The following FAT3 variants were observed in gnomAD, a reference collection of about 807,000 sequenced individuals.
FAT3 encodes the protein protocadherin Fat 3.
FAT3 carries 95 observed loss-of-function variants against 310.2 expected under a neutral mutation model. The observed-to-expected ratio is 0.31, with a 90% CI of 0.26 to 0.36. The LOEUF is 0.36. Ranked by LOEUF, FAT3 falls within the 10% of genes least tolerant of loss-of-function variation. The pLI, the probability that FAT3 is intolerant of heterozygous loss-of-function variation, is 1.00. For missense variants in FAT3, 5,408 were observed against 5,715.6 expected, an observed-to-expected ratio of 0.95 and a Z score of 1.74; for synonymous variants, 2,314 against 2,192.9, an observed-to-expected ratio of 1.06 and a Z score of -1.54.
intron 1 of FAT3, among the ~76,000 whole-genome samples, chr11:92,317,455 T>G (rs1947494121): frequency 6.6e-6 from 1 of 152,066 alleles, no homozygotes; most frequent in South Asian, 2.1e-4. Flanking sequence ...GGAGGCAGGG[T>G]TGGTTTGGTA....
chr11:92,545,872 C>A (rs777249035), intron 3 of FAT3, among the ~76,000 whole-genome samples: 1 of 152,146 alleles, frequency 6.6e-6, no homozygotes, highest in Non-Finnish European at 1.5e-5. Context: ...CATGTAGTTG[C>A]CTAGCAAATA....
intron 3 of FAT3, among the ~76,000 whole-genome samples, chr11:92,593,054 A>G (rs1939516631): frequency 6.6e-6 from 1 of 152,148 alleles, no homozygotes; most frequent in African/African-American, 2.4e-5. Context: ...GTGGACTCAT[A>G]CAGCATTTGT....
chr11:92,849,329 G>A (rs956022625), intron 19 of FAT3, among the ~76,000 whole-genome samples: 1 of 152,076 alleles, frequency 6.6e-6, no homozygotes, highest in Admixed American at 6.5e-5. Context: ...TATATTCCTG[G>A]CATAGTAATT....
intron 3 of FAT3, among the ~76,000 whole-genome samples, chr11:92,632,102 G>C (rs1276023032): frequency 2.6e-5 from 4 of 152,196 alleles, no homozygotes; most frequent in African/African-American, 9.7e-5. Context: ...TATATTTGTA[G>C]TATTTTTCTT....
intron 18 of FAT3, among the ~76,000 whole-genome samples, chr11:92,841,839 C>T (rs745923159): frequency 1.3e-5 from 2 of 152,232 alleles, no homozygotes; most frequent in South Asian, 2.1e-4. Context: ...GTATTCTGCA[C>T]AGCCCCTTCA....
intron 1 of FAT3, among the ~76,000 whole-genome samples, chr11:92,247,554 C>A (rs1864968955): frequency 6.6e-6 from 1 of 151,932 alleles, no homozygotes; most frequent in African/African-American, 2.4e-5. Flanking sequence ...CCTTCCAAAT[C>A]AGAAGGGAGT....
chr11:92,465,514 G>C lies in FAT3; in HGVS notation c.3293-59120G>C, dbSNP rs948056016. On this transcript the variant is annotated intron_variant, in intron 2 of 27. Coordinates refer to ENST00000525166, the MANE Select transcript of FAT3 (RefSeq NM_001367949.2). ...TCGCCATTCTAACTGGTGTGAGATG[G>C]TATCTCATTGTGGTTTTGATTTGCA... 2.0e-5 allele frequency among the ~76,000 whole-genome samples: 3 copies of C among 152,070 alleles called. No individual in the cohort carries two copies. In the South Asian group the frequency reaches 6.2e-4, roughly 32 times the overall value.
chr11:92,418,231 A>G (rs2134964239), intron 2 of FAT3, among the ~76,000 whole-genome samples: 1 of 152,308 alleles, frequency 6.6e-6, no homozygotes, highest in East Asian at 1.9e-4. Flanking sequence ...ATACTGGATA[A>G]CCGAGGTATT....
At chr11:92,339,424 G>A (rs1948180867) in intron 1 of FAT3, among the ~76,000 whole-genome samples, 1 of 152,174 alleles carries the variant, frequency 6.6e-6, no homozygotes, top group Admixed American at 6.5e-5. Flanking sequence ...CCTACTATGT[G>A]CCCAGTAGTA....
At chr11:92,303,990 C>T (rs1947060754) in intron 1 of FAT3, among the ~76,000 whole-genome samples, 1 of 152,070 alleles carries the variant, frequency 6.6e-6, no homozygotes, top group African/African-American at 2.4e-5. Context: ...ACAACATATT[C>T]TGTTTGATAT....
chr11:92,789,859 G>T, intron 7 of FAT3, 84 bp from the exon 8 acceptor site: 1 of 1,418,822 alleles, frequency 7.0e-7, no homozygotes, highest in East Asian at 2.3e-5. Flanking sequence ...ACGGGGAAGC[G>T]GGGAGAAAAA....
At chr11:92,332,587 A>C (rs1035289589) in intron 1 of FAT3, among the ~76,000 whole-genome samples, 1 of 152,128 alleles carries the variant, frequency 6.6e-6, no homozygotes, top group Non-Finnish European at 1.5e-5. Flanking sequence ...AAGGGGCTTT[A>C]CTGGCCCAAC....
chr11:92,562,831 G>C (rs1164847539), intron 3 of FAT3, among the ~76,000 whole-genome samples: 1 of 152,056 alleles, frequency 6.6e-6, no homozygotes, highest in African/African-American at 2.4e-5. Flanking sequence ...CTTATATCTG[G>C]CCCTCAACAG....
intron 19 of FAT3, among the ~76,000 whole-genome samples, chr11:92,848,448 C>A (rs933393422): frequency 1.3e-5 from 2 of 152,034 alleles, no homozygotes; most frequent in Non-Finnish European, 2.9e-5. Flanking sequence ...TCCTCGAGCC[C>A]GTATAGGAGA....
In FAT3 at chr11:92,810,746, G is replaced by A. The variant is rs551645684; in HGVS notation, c.9481+670G>A. ...ATGAGATGGTGAGTTAGAAAAGACT[G>A]GAGTTAATTGCTAGGTAGACCTTCT... On this transcript the variant is annotated intron_variant, in intron 13 of 27. Coordinates refer to ENST00000525166, the MANE Select transcript of FAT3 (RefSeq NM_001367949.2). 2.8e-4 allele frequency among the ~76,000 whole-genome samples: 42 copies of A among 152,214 alleles called. 1 individual carries two copies. Among genetic ancestry groups the A allele is most frequent in the Admixed American group, 9.8e-4 (15 of 15,298 alleles).
intron 3 of FAT3, among the ~76,000 whole-genome samples, chr11:92,642,093 T>C (rs1267732780): frequency 6.6e-6 from 1 of 152,200 alleles, no homozygotes; most frequent in Admixed American, 6.5e-5. Context: ...AATGCATGTA[T>C]CTGAAAAGGG....
At position 92,764,920 on chromosome 11, in the gene FAT3, G is replaced by A. The variant is rs139642369; in HGVS notation, c.4026G>A (p.Thr1342=). 2.3e-4 allele frequency: 372 copies of A among 1,613,696 alleles called. 3 individuals carry two copies. The African/African-American group carries it at 2.8e-3, about 12-fold the overall frequency. Residue 1342 remains threonine (T), a synonymous_variant, in exon 6 of 28, where the codon ACG becomes ACA. Coordinates refer to ENST00000525166, the MANE Select transcript of FAT3 (RefSeq NM_001367949.2). ...ATGGGCGCCCACAGAAATCCTCCAC[G>A]GCCCGCCTCCACATTGAATGGATTA... ...VDNGRPQKSS[T]ARLHIEWIKK... is the part of the protein sequence containing the mutation.
intron 13 of FAT3, among the ~76,000 whole-genome samples, chr11:92,826,145 TC>T (rs1411274825): frequency 6.6e-6 from 1 of 152,120 alleles, no homozygotes; most frequent in Admixed American, 6.5e-5. Context: ...ATAGCCTGTG[TC>T]TCCTGCAAGA....
chr11:92,759,061 T>C (rs557735526), intron 4 of FAT3, among the ~76,000 whole-genome samples: 3 of 152,218 alleles, frequency 2.0e-5, no homozygotes, highest in African/African-American at 7.2e-5. Context: ...GAGATACACA[T>C]TGGAGAATTA....
Sources: allele counts gnomAD v4.1 joint callset (sites outside exome capture counted in the v4.1 genomes callset), GRCh38; gene constraint gnomAD v4.1.1; transcripts MANE v1.5; gene names NCBI Gene and HGNC (gene_info 2026-07-23, HGNC 2026-07-21).